DCPH1: variants seen among roughly 807,000 people sequenced by gnomAD.
DCPH1 encodes damage control phosphatase 1.
chr6:151,469,112 T>A, the DCPH1 span: 1 of 1,599,742 alleles, frequency 6.3e-7, no homozygotes. Flanking sequence ...CCCCTTTGAC[T>A]TGATTTAGGA....
the DCPH1 span, among the ~76,000 whole-genome samples, chr6:151,458,974 T>C: frequency 1.3e-5 from 2 of 151,750 alleles, no homozygotes; most frequent in African/African-American, 4.8e-5. Flanking sequence ...CCGTCTCTAC[T>C]AAAAATAAAA....
chr6:151,462,925 T>C, the DCPH1 span, among the ~76,000 whole-genome samples: 40 of 152,306 alleles, frequency 2.6e-4, no homozygotes, highest in Non-Finnish European at 5.1e-4. Flanking sequence ...GTAGTAAATC[T>C]TTTAGGCATA....
the DCPH1 span, among the ~76,000 whole-genome samples, chr6:151,461,469 GA>G: frequency 6.6e-6 from 1 of 152,170 alleles, no homozygotes; most frequent in Non-Finnish European, 1.5e-5. Flanking sequence ...TCAGGAGTGT[GA>G]GATCAGCCTG....
chr6:151,469,468 T>C, the DCPH1 span: 1 of 181,174 alleles, frequency 5.5e-6, no homozygotes, highest in Admixed American at 5.9e-5. Context: ...CTTGTTCTTT[T>C]CTTAAATAGT....
At chr6:151,464,573 C>T in the DCPH1 span, 28 of 1,610,378 alleles carry the variant, frequency 1.7e-5, no homozygotes, top group Non-Finnish European at 2.2e-5. Flanking sequence ...CTATTGAAGA[C>T]CTAGATGAAA....
chr6:151,468,527 T>C, the DCPH1 span: 53 of 1,613,770 alleles, frequency 3.3e-5, no homozygotes, highest in South Asian at 5.4e-4. Context: ...GCTACTAGAG[T>C]GTATATTGTT....
the DCPH1 span, chr6:151,464,537 T>C: frequency 2.2e-5 from 35 of 1,611,538 alleles, no homozygotes; most frequent in African/African-American, 4.3e-4. Context: ...TTGCTTTATG[T>C]ACTCACCTGC....
the DCPH1 span, chr6:151,464,610 C>T: frequency 6.2e-7 from 1 of 1,604,536 alleles, no homozygotes; most frequent in Non-Finnish European, 8.5e-7. Context: ...GTTTTTTAAA[C>T]TTCTGCAGGT....
the DCPH1 span, among the ~76,000 whole-genome samples, chr6:151,466,585 T>G: frequency 3.9e-5 from 6 of 152,142 alleles, no homozygotes; most frequent in African/African-American, 1.4e-4. Flanking sequence ...TTGATCTCTT[T>G]CAAAAGTCAT....
At chr6:151,465,828 T>A in the DCPH1 span, among the ~76,000 whole-genome samples, 1 of 152,146 alleles carries the variant, frequency 6.6e-6, no homozygotes, top group Non-Finnish European at 1.5e-5. Flanking sequence ...TGCTAACAGA[T>A]TATACCTGGA....
chr6:151,458,480 T>C, the DCPH1 span: 1 of 1,613,382 alleles, frequency 6.2e-7, no homozygotes, highest in African/African-American at 1.3e-5. Flanking sequence ...GTCTTTTAAA[T>C]GAAAGTGATG....
chr6:151,460,304 G>A, the DCPH1 span, among the ~76,000 whole-genome samples: 1 of 151,736 alleles, frequency 6.6e-6, no homozygotes, highest in African/African-American at 2.4e-5. Context: ...GGCCAGGCTG[G>A]CCTTGAACTC....
the DCPH1 span, among the ~76,000 whole-genome samples, chr6:151,463,131 A>T: frequency 6.6e-6 from 1 of 151,922 alleles, no homozygotes; most frequent in Non-Finnish European, 1.5e-5. Context: ...TATAAAAACC[A>T]CTCTTAGCAT....
the DCPH1 span, chr6:151,468,943 C>G: frequency 1.2e-6 from 2 of 1,614,158 alleles, no homozygotes; most frequent in East Asian, 2.2e-5. Context: ...TCCATTTCAT[C>G]AGGCTCTGAA....
chr6:151,464,666 A>G, the DCPH1 span: 1 of 1,277,222 alleles, frequency 7.8e-7, no homozygotes, highest in South Asian at 1.4e-5. Context: ...TAAACAGAAA[A>G]TAAACTGCTA....
At chr6:151,458,073 C>T in the DCPH1 span, among the ~76,000 whole-genome samples, 1 of 151,822 alleles carries the variant, frequency 6.6e-6, no homozygotes, top group Non-Finnish European at 1.5e-5. Context: ...GGTTCCTTTC[C>T]CTCTGTGGTA....
At chr6:151,468,956 G>C in the DCPH1 span, 1 of 1,614,098 alleles carries the variant, frequency 6.2e-7, no homozygotes, top group African/African-American at 1.3e-5. Flanking sequence ...GCTCTGAATG[G>C]CTTCCATCCT....
At chr6:151,468,253 T>A in the DCPH1 span, 6 of 826,748 alleles carry the variant, frequency 7.3e-6, no homozygotes, top group South Asian at 9.1e-5. Context: ...TTTAGTAGTT[T>A]TTTAGCAATG....
At chr6:151,460,510 G>T in the DCPH1 span, among the ~76,000 whole-genome samples, 2 of 151,970 alleles carry the variant, frequency 1.3e-5, 1 homozygote, top group African/African-American at 4.8e-5. Flanking sequence ...TGCAGGCCGG[G>T]TGCGGTGGCT....
Sources: allele counts gnomAD v4.1 joint callset (sites outside exome capture counted in the v4.1 genomes callset), GRCh38; gene constraint gnomAD v4.1.1; transcripts MANE v1.5; gene names NCBI Gene and HGNC (gene_info 2026-07-23, HGNC 2026-07-21).